PRKAR2B: variants seen among roughly 807,000 people sequenced by gnomAD.
PRKAR2B encodes the protein protein kinase cAMP-dependent type II regulatory subunit beta.
In PRKAR2B, 14 loss-of-function variants were observed where a neutral mutation model predicts 49.9. The ratio of observed to expected loss-of-function variants is 0.28; its 90% CI spans 0.19 to 0.44. The LOEUF (loss-of-function observed/expected upper bound fraction) is 0.44. Ranked by LOEUF, PRKAR2B falls within the 20% of genes least tolerant of loss-of-function variation. The pLI is 1.00. For synonymous variants in PRKAR2B, 196 were observed against 197.7 expected (o/e 0.99, Z 0.07); for missense variants, 393 against 537.9 (o/e 0.73, Z 2.67).
chr7:107,117,852 GTGCACATTACTCTATC>G (rs1354702187), intron 2 of PRKAR2B, among the ~76,000 whole-genome samples: 12 of 152,170 alleles, frequency 7.9e-5, no homozygotes, highest in Admixed American at 3.9e-4. Context: ...GGCTACACCA[GTGCACATTACTCTATC>G]TGCAATGTGG....
At chr7:107,119,690 T>C (rs1161523720) in intron 2 of PRKAR2B, among the ~76,000 whole-genome samples, 1 of 152,192 alleles carries the variant, frequency 6.6e-6, no homozygotes, top group Non-Finnish European at 1.5e-5. Flanking sequence ...GTTTCCTACT[T>C]CCCATTTCCT....
intron 2 of PRKAR2B, among the ~76,000 whole-genome samples, chr7:107,107,484 T>C (rs1253166807): frequency 6.6e-6 from 1 of 152,056 alleles, no homozygotes; most frequent in African/African-American, 2.4e-5. Context: ...ACCCTAGCAA[T>C]GAGTCCTCTG....
At chr7:107,091,127 T>C (rs865804461) in intron 2 of PRKAR2B, among the ~76,000 whole-genome samples, 10 of 152,206 alleles carry the variant, frequency 6.6e-5, no homozygotes, top group African/African-American at 2.4e-4. Context: ...TTGGATGTTA[T>C]TTCCAGAACT....
chr7:107,082,403 A>C (rs1794530339), intron 2 of PRKAR2B, among the ~76,000 whole-genome samples: 1 of 152,130 alleles, frequency 6.6e-6, no homozygotes, highest in Non-Finnish European at 1.5e-5. Flanking sequence ...AAGTACATTT[A>C]TATGAAGAGA....
At chr7:107,158,439 TG>T (rs1796136593) in intron 10 of PRKAR2B, among the ~76,000 whole-genome samples, 2 of 152,226 alleles carry the variant, frequency 1.3e-5, no homozygotes, top group Non-Finnish European at 2.9e-5. Flanking sequence ...GGCTTCCAGT[TG>T]TTAAACAGTT....
intron 1 of PRKAR2B, among the ~76,000 whole-genome samples, chr7:107,056,041 C>G (rs896047743): frequency 1.1e-4 from 16 of 152,196 alleles, no homozygotes; most frequent in African/African-American, 3.9e-4. Context: ...TATGGCTAGC[C>G]AGTTTTTCCA....
chr7:107,128,334 TC>T, intron 4 of PRKAR2B, 39 bp downstream of exon 4: 2 of 1,466,956 alleles, frequency 1.4e-6, no homozygotes, highest in Non-Finnish European at 9.6e-7. Context: ...CTTTGTTTTT[TC>T]CCCCAGTGAC....
chr7:107,107,584 T>G (rs1419066700), intron 2 of PRKAR2B, among the ~76,000 whole-genome samples: 2 of 151,500 alleles, frequency 1.3e-5, no homozygotes, highest in African/African-American at 2.4e-5. Flanking sequence ...ACAGTTAGGG[T>G]GTGAAGAAAC....
intron 7 of PRKAR2B, 118 bp downstream of exon 7, chr7:107,151,141 T>C (rs1795978779): frequency 1.8e-6 from 1 of 555,346 alleles, no homozygotes; most frequent in Non-Finnish European, 3.0e-6. Context: ...ATGTTTTTAT[T>C]TGAAAAGATT....
chr7:107,125,525 G>A (rs1379666216), intron 3 of PRKAR2B, among the ~76,000 whole-genome samples: 1 of 152,204 alleles, frequency 6.6e-6, no homozygotes, highest in East Asian at 1.9e-4. Context: ...GATCCCTTAG[G>A]TGGGATCATG....
intron 5 of PRKAR2B, among the ~76,000 whole-genome samples, chr7:107,142,689 T>G (rs1480231950): frequency 6.6e-6 from 1 of 152,114 alleles, no homozygotes; most frequent in Admixed American, 6.5e-5. Flanking sequence ...TCATGTTCTT[T>G]CTGGAGGTTC....
chr7:107,068,073 G>A (rs1794188158), intron 1 of PRKAR2B, among the ~76,000 whole-genome samples: 1 of 152,132 alleles, frequency 6.6e-6, no homozygotes. Context: ...GGTGTCCTCT[G>A]AATTACCGTG....
intron 2 of PRKAR2B, among the ~76,000 whole-genome samples, chr7:107,080,276 C>CTAA (rs1794490969): frequency 6.6e-6 from 1 of 151,882 alleles, no homozygotes; most frequent in Non-Finnish European, 1.5e-5. Flanking sequence ...GAAGTGGTAC[C>CTAA]GTCTAAGAGA....
At chr7:107,067,199 A>G (rs1584408688) in intron 1 of PRKAR2B, 1 of 152,206 alleles carries the variant, frequency 6.6e-6, no homozygotes, top group Admixed American at 6.5e-5. Flanking sequence ...CTTTATTTCC[A>G]GCAAGGCCTC....
chr7:107,117,534 C>T (rs980921711), intron 2 of PRKAR2B, among the ~76,000 whole-genome samples: 1 of 152,188 alleles, frequency 6.6e-6, no homozygotes, highest in African/African-American at 2.4e-5. Context: ...GTGCAAGACT[C>T]TGCCAGAGCT....
At chr7:107,139,443 A>G (rs962413185) in intron 4 of PRKAR2B, among the ~76,000 whole-genome samples, 2 of 152,204 alleles carry the variant, frequency 1.3e-5, no homozygotes, top group Admixed American at 1.3e-4. Context: ...GCTGCTAGGC[A>G]TTCTGTATTA....
intron 7 of PRKAR2B, among the ~76,000 whole-genome samples, chr7:107,152,865 C>T (rs540778666): frequency 2.6e-5 from 4 of 152,176 alleles, no homozygotes; most frequent in African/African-American, 9.6e-5. Context: ...GAAAACCAAG[C>T]CAGGAAGGGA....
intron 8 of PRKAR2B, 94 bp from the exon 9 acceptor site, chr7:107,156,890 G>A: frequency 9.6e-7 from 1 of 1,039,060 alleles, no homozygotes; most frequent in Non-Finnish European, 1.5e-6. Context: ...TGTGTACTTT[G>A]GGGTTGGATC....
intron 4 of PRKAR2B, chr7:107,128,983 C>T (rs1287100888): frequency 6.6e-6 from 1 of 152,038 alleles, no homozygotes; most frequent in African/African-American, 2.4e-5. Flanking sequence ...AGGAGTGAAC[C>T]TCTGCTGCCA....
Sources: gnomAD v4.1 joint callset for allele counts (sites outside exome capture counted in the v4.1 genomes callset) on GRCh38, gnomAD v4.1.1 for gene constraint, MANE v1.5 for transcripts, NCBI Gene and HGNC (gene_info 2026-07-23, HGNC 2026-07-21) for gene names.